The following NFIC variants were observed in gnomAD, a reference collection of about 807,000 sequenced individuals.
NFIC encodes nuclear factor 1 C-type.
A neutral mutation model predicts 54.4 loss-of-function variants in NFIC; 12 were observed. The observed-to-expected ratio is 0.22, with a 90% confidence interval of 0.14 to 0.36. The LOEUF is 0.36. NFIC is among the 10% of genes least tolerant of loss of function. The probability of loss-of-function intolerance (pLI) is 1.00; values close to 1 mark genes in which losing one functional copy is unlikely to be tolerated. For synonymous variants in NFIC, 322 were observed against 319.2 expected, an observed-to-expected ratio of 1.01 and a Z score of -0.09; for missense variants, 575 against 718.2, an observed-to-expected ratio of 0.80 and a Z score of 2.28.
intron 2 of NFIC, among the ~76,000 whole-genome samples, chr19:3,391,765 C>G (rs1309911022): frequency 6.6e-6 from 1 of 152,116 alleles, no homozygotes; most frequent in Admixed American, 6.6e-5. Context: ...CCACTGCCCT[C>G]CAGCCTGGGC....
In NFIC at chr19:3,385,818, C is replaced by T. The variant is rs947394537; in HGVS notation, c.562+3575C>T. On this transcript the variant is annotated intron_variant, in intron 2 of 10. Transcript: ENST00000443272. ...AGCTCCTAACTTCAGGTGATCCACC[C>T]GCCTCGGCCTCCCAAAGTGCTGGGA... is the stretch of plus-strand genomic sequence containing the variant. 5.3e-5 allele frequency among the ~76,000 whole-genome samples: 8 copies of T among 151,842 alleles called. No homozygotes were observed. In the East Asian group the frequency reaches 5.8e-4, roughly 11 times the overall value.
chr19:3,366,296 T>G, upstream of NFIC, among the ~76,000 whole-genome samples: 1 of 148,762 alleles, frequency 6.7e-6, no homozygotes. Context: ...CTCGCGCCCT[T>G]TTTTCCCTCG....
Position 3,382,397 on chromosome 19 carries a change from G to A in NFIC, c.562+154G>A, listed in dbSNP as rs2081226586. Among the ~76,000 whole-genome samples the A allele has an allele frequency of 2.0e-5, 3 of 151,936 alleles. No individual in the cohort carries two copies. The South Asian group carries it at 6.2e-4, about 32-fold the overall frequency. On this transcript the variant is annotated intron_variant, in intron 2 of 10. Coordinates refer to ENST00000443272, the MANE Select transcript of NFIC (RefSeq NM_001245002.2). ...TGGGCCTTGGAGAGTGCCCAATGGG[G>A]GCGACACGGGGCACGGAGCATCTGA... is the stretch of plus-strand genomic sequence containing the variant.
At chr19:3,367,920 T>G (rs1035988306) in intron 1 of NFIC, among the ~76,000 whole-genome samples, 1 of 152,056 alleles carries the variant, frequency 6.6e-6, no homozygotes, top group South Asian at 2.1e-4. Flanking sequence ...TGCTCCTTGG[T>G]AGGGTCTTTC....
chr19:3,463,653 C>A lies in NFIC; in HGVS notation c.*884C>A. On this transcript the variant is annotated 3_prime_UTR_variant, in exon 11 of 11. Transcript: ENST00000443272. ...ACCCCCCACCCCCGGCATAGGAGGC[C>A]CCCCCACCTCGCCCGGCTCACACCC... The A allele has an allele frequency of 2.4e-6, 2 of 842,908 alleles. No individual in the cohort carries two copies. Among genetic ancestry groups the A allele is most frequent in the African/African-American group, 2.0e-5 (1 of 50,378 alleles). The allele number at this position is 842,908 out of a possible 1,614,324, so 52.2% of individuals were successfully genotyped here.
chr19:3,456,724 T>C, intron 10 of NFIC, 89 bp downstream of exon 10: 1 of 1,235,378 alleles, frequency 8.1e-7, no homozygotes, highest in Non-Finnish European at 1.1e-6. Flanking sequence ...GCCTGCTGGG[T>C]CCCACGCCAC....
At chr19:3,406,934 G>C (rs747246407) in intron 2 of NFIC, among the ~76,000 whole-genome samples, 1 of 151,622 alleles carries the variant, frequency 6.6e-6, no homozygotes, top group Non-Finnish European at 1.5e-5. Flanking sequence ...CCTGAGGCAG[G>C]ACCGTGCCTG....
rs771047001 is a variant in NFIC at position 3,433,521 on chromosome 19, C to T, written c.638C>T (p.Thr213Met). The change falls in exon 4 of 11, where the codon ACG becomes ATG. Residue 213 changes from threonine to methionine, a missense_variant. Around this residue, in one of 3 missense-constraint regions of NFIC, gnomAD observed 447 missense variants for 526.9 expected, o/e 0.85. Transcript: ENST00000443272. ...CCCCGCTGTCTTCCTGTTCCAGACA[C>T]GACCGACTTCCAGGAGAGCTTTGTC... ...QEDSKPITLD[T>M]TDFQESFVTS... The T allele has an allele frequency of 9.3e-6, 15 of 1,613,672 alleles. No individual in the cohort carries two copies. The highest frequency in any genetic ancestry group is 5.0e-5 in the Admixed American group (3 of 59,994).
chr19:3,361,847 TACAC>T (rs57358755), upstream of NFIC, among the ~76,000 whole-genome samples: 20 of 150,922 alleles, frequency 1.3e-4, no homozygotes, highest in Non-Finnish European at 2.2e-4. Context: ...CAGTCATAGT[TACAC>T]ACACACACAC....
chr19:3,367,620 G>A (rs371058202), intron 1 of NFIC, among the ~76,000 whole-genome samples: 1 of 152,230 alleles, frequency 6.6e-6, no homozygotes, highest in African/African-American at 2.4e-5. Context: ...CCAGGCTCCC[G>A]GGGACCCCGA....
chr19:3,438,935 G>A (rs2082248942), intron 6 of NFIC, among the ~76,000 whole-genome samples: 1 of 152,122 alleles, frequency 6.6e-6, no homozygotes, highest in African/African-American at 2.4e-5. Flanking sequence ...GGGAACAAGA[G>A]GACCCTGATA....
intron 3 of NFIC, 126 bp downstream of exon 3, chr19:3,425,303 A>G: frequency 8.8e-7 from 1 of 1,134,084 alleles, no homozygotes; most frequent in Non-Finnish European, 1.2e-6. Flanking sequence ...CGGAGAGGTT[A>G]AGGGGCCTGT....
At position 3,464,117 on chromosome 19, in the gene NFIC, A is replaced by AC. The variant is rs1409613296; in HGVS notation, c.*1354dup. ...TGCCAGTGCCTTACATTCTGGAGCGACCCCCCTCCCTGGTGCCTCCCAGCG... is the reference window on the plus strand; with the variant it reads ...TGCCAGTGCCTTACATTCTGGAGCGACCCCCCCTCCCTGGTGCCTCCCAGCG... On this transcript the variant is annotated 3_prime_UTR_variant, in exon 11 of 11. Transcript: ENST00000443272. 1.0e-6 allele frequency: 1 copy of AC among 983,568 alleles called. No individual in the cohort carries two copies. Among genetic ancestry groups the AC allele is most frequent in the Non-Finnish European group, 1.2e-6 (1 of 829,384 alleles). The allele number at this position is 983,568 out of a possible 1,614,324, so 60.9% of individuals were successfully genotyped here.
At chr19:3,447,017 G>A (rs1036836362) in intron 6 of NFIC, among the ~76,000 whole-genome samples, 2 of 152,026 alleles carry the variant, frequency 1.3e-5, no homozygotes, top group Admixed American at 6.6e-5. Flanking sequence ...CAAATAACTC[G>A]GCTGGGTGCA....
rs532368396 is a variant in NFIC, at chr19:3,452,705, C to T, written c.1269+39C>T. ...GGCGCATTCGGGCCTCTCCTGGCGGCTCCAGGTGACCTCCCGGGGGCCACG... is the reference window on the plus strand; with the variant it reads ...GGCGCATTCGGGCCTCTCCTGGCGGTTCCAGGTGACCTCCCGGGGGCCACG... On this transcript the variant is annotated intron_variant, in intron 8 of 10. Transcript: ENST00000443272. The surrounding 1 kb of genome is among the most constrained non-coding windows in gnomAD (Gnocchi z 5.3). 1.9e-6 allele frequency: 3 copies of T among 1,548,450 alleles called. No individual in the cohort carries two copies. Among genetic ancestry groups the T allele is most frequent in the African/African-American group, 2.7e-5 (2 of 73,444 alleles).
chr19:3,454,017 G>A, intron 9 of NFIC, 101 bp downstream of exon 9: 1 of 1,397,736 alleles, frequency 7.2e-7, no homozygotes. Flanking sequence ...GCCCGACCCT[G>A]CAGGGCCTGG....
intron 2 of NFIC, among the ~76,000 whole-genome samples, chr19:3,417,643 T>G (rs1422851836): frequency 2.1e-5 from 3 of 145,908 alleles, no homozygotes; most frequent in Non-Finnish European, 4.5e-5. Flanking sequence ...TTTTTTTTTT[T>G]GAGATGGAGT....
intron 1 of NFIC, among the ~76,000 whole-genome samples, chr19:3,361,318 G>A (rs1053933040): frequency 2.0e-5 from 3 of 152,168 alleles, no homozygotes; most frequent in African/African-American, 7.2e-5. Flanking sequence ...CAGCACAGGG[G>A]TTAGGACGGG....
chr19:3,444,324 G>A (rs535751964), intron 6 of NFIC, among the ~76,000 whole-genome samples: 5 of 152,338 alleles, frequency 3.3e-5, no homozygotes, highest in Non-Finnish European at 5.9e-5. Context: ...TCGGGCCTGC[G>A]TCCTCCTCAC....
Sources: allele counts gnomAD v4.1 joint callset (sites outside exome capture counted in the v4.1 genomes callset), GRCh38; gene constraint gnomAD v4.1.1; regional missense constraint gnomAD v4.1.1; non-coding constraint Gnocchi (gnomAD v3.1); transcripts MANE v1.5; gene names NCBI Gene and HGNC (gene_info 2026-07-23, HGNC 2026-07-21).